Variants in LEKR1 observed in about 807,000 individuals in gnomAD.
LEKR1 encodes the protein leucine, glutamate and lysine rich 1, also known as protein LEKR1.
Under a neutral mutation model 72.4 loss-of-function variants are expected in LEKR1, and 59 were observed. That is an observed-to-expected ratio of 0.82 (90% CI 0.66 to 1.01). LEKR1 has a LOEUF of 1.01. Ranked by LOEUF, LEKR1 falls within the 50% of genes least tolerant of loss-of-function variation. LEKR1 has a pLI of 0.00. For missense variants in LEKR1, 728 were observed against 759.2 expected, an observed-to-expected ratio of 0.96 and a Z score of 0.48; for synonymous variants, 257 against 263.2, an observed-to-expected ratio of 0.98 and a Z score of 0.23.
intron 3 of LEKR1, among the ~76,000 whole-genome samples, chr3:156,898,059 A>G (rs1721383664): frequency 6.6e-6 from 1 of 152,212 alleles, no homozygotes; most frequent in African/African-American, 2.4e-5. Flanking sequence ...CAGATCTTTA[A>G]AAAGTGCTAG....
chr3:156,976,369 C>T (rs1272169358), intron 6 of LEKR1, among the ~76,000 whole-genome samples: 1 of 152,072 alleles, frequency 6.6e-6, no homozygotes, highest in African/African-American at 2.4e-5. Flanking sequence ...TGGGCTCAGA[C>T]CTATGCTTCA....
At chr3:156,844,258 A>AT (rs953598016) in intron 2 of LEKR1, among the ~76,000 whole-genome samples, 15 of 151,978 alleles carry the variant, frequency 9.9e-5, no homozygotes, top group African/African-American at 3.4e-4. Flanking sequence ...TCCCAGATTG[A>AT]TTTTTTTCTA....
chr3:156,913,232 A>G (rs538108035), intron 3 of LEKR1, among the ~76,000 whole-genome samples: 5 of 152,304 alleles, frequency 3.3e-5, no homozygotes, highest in South Asian at 2.1e-4. Flanking sequence ...CAGTATGGCT[A>G]TTTTAACGAT....
chr3:156,841,276 G>A (rs1055078712), intron 2 of LEKR1, among the ~76,000 whole-genome samples: 7 of 152,136 alleles, frequency 4.6e-5, no homozygotes, highest in Admixed American at 4.6e-4. Context: ...AGAAAAGCTG[G>A]CCAAGTTAGA....
At chr3:156,977,427 A>C in intron 6 of LEKR1, 1 of 504,090 alleles carries the variant, frequency 2.0e-6, no homozygotes, top group Non-Finnish European at 4.0e-6. Context: ...TATCCTGAAG[A>C]AATGTCACCC....
chr3:157,010,089 A>T (rs1395172707), intron 9 of LEKR1, among the ~76,000 whole-genome samples: 1 of 151,946 alleles, frequency 6.6e-6, no homozygotes, highest in Non-Finnish European at 1.5e-5. Context: ...GATATTAGTA[A>T]TTTCTGACTT....
At chr3:156,915,743 G>C (rs1248894997) in intron 3 of LEKR1, among the ~76,000 whole-genome samples, 1 of 151,994 alleles carries the variant, frequency 6.6e-6, no homozygotes. Flanking sequence ...TTCTTTTGGT[G>C]TGCAGAAGCT....
At chr3:156,979,905 T>G (rs1429465729) in intron 7 of LEKR1, 2 of 152,226 alleles carry the variant, frequency 1.3e-5, no homozygotes, top group Admixed American at 1.3e-4. Context: ...TCCCAGCTAC[T>G]CGGGAGGCTG....
rs545221449 is a variant in LEKR1, at chr3:157,022,430, GAAGTGCTGATGA to G, written c.1204-2325_1204-2314del. Among the ~76,000 whole-genome samples, 24 of 152,274 alleles carry G rather than the reference GAAGTGCTGATGA, an allele frequency of 1.6e-4. No individual in the cohort carries two copies. The South Asian group carries it at 3.9e-3, about 25-fold the overall frequency. On this transcript the variant is annotated intron_variant, in intron 10 of 12. Transcript: ENST00000356539. ...ATGGTGGCCAGAACTAGGTGATCAG[GAAGTGCTGATGA>G]AAGTTGAGACATAGAGAAATGGATG...
intron 7 of LEKR1, among the ~76,000 whole-genome samples, chr3:156,984,010 T>C (rs1230938438): frequency 6.6e-6 from 1 of 152,006 alleles, no homozygotes; most frequent in Non-Finnish European, 1.5e-5. Context: ...AAACAGATAT[T>C]AGAATAAGTA....
intron 4 of LEKR1, chr3:156,924,647 C>A: frequency 2.2e-6 from 1 of 446,772 alleles, no homozygotes; most frequent in South Asian, 5.5e-5. Context: ...AGGTAAGAAT[C>A]TAAATTCATC....
At chr3:157,017,185 A>G (rs1279519528) in intron 10 of LEKR1, among the ~76,000 whole-genome samples, 1 of 152,224 alleles carries the variant, frequency 6.6e-6, no homozygotes, top group African/African-American at 2.4e-5. Flanking sequence ...AAAAGCAACC[A>G]TAGACAATAT....
intron 3 of LEKR1, among the ~76,000 whole-genome samples, chr3:156,861,147 C>T (rs1041168770): frequency 6.6e-6 from 1 of 152,142 alleles, no homozygotes; most frequent in Non-Finnish European, 1.5e-5. Context: ...GCCTGCCTCA[C>T]TGGGCCATTA....
rs554779520 is a variant in LEKR1 at position 156,945,150 on chromosome 3, G to A, written c.745+2436G>A. ...TTATATCTCAGTATAGTTTTGATTT[G>A]CATTTCTCTGATGATCAGTGATGTT... On this transcript the variant is annotated intron_variant, in intron 6 of 12. Transcript: ENST00000356539. 2.0e-5 allele frequency among the ~76,000 whole-genome samples: 3 copies of A among 151,860 alleles called. No homozygotes were observed. In the South Asian group the frequency reaches 6.2e-4, roughly 31 times the overall value.
chr3:156,883,992 A>G (rs764679021), intron 3 of LEKR1, among the ~76,000 whole-genome samples: 1 of 152,002 alleles, frequency 6.6e-6, no homozygotes, highest in Admixed American at 6.6e-5. Context: ...GGATTGTGAT[A>G]TTTTCTTACT....
At chr3:156,904,806 T>C (rs894418768) in intron 3 of LEKR1, among the ~76,000 whole-genome samples, 2 of 151,830 alleles carry the variant, frequency 1.3e-5, no homozygotes, top group Non-Finnish European at 2.9e-5. Flanking sequence ...CCTATGTATG[T>C]GTGTGTGTAT....
chr3:156,867,903 T>C (rs1717496177), intron 3 of LEKR1, among the ~76,000 whole-genome samples: 1 of 152,080 alleles, frequency 6.6e-6, no homozygotes, highest in Admixed American at 6.6e-5. Flanking sequence ...TATATTTCAT[T>C]TTTATTTTAC....
chr3:156,959,609 A>C (rs1727937052), intron 6 of LEKR1, among the ~76,000 whole-genome samples: 1 of 152,060 alleles, frequency 6.6e-6, no homozygotes, highest in Non-Finnish European at 1.5e-5. Flanking sequence ...ATTTCCCCTG[A>C]ATATTGCAAT....
chr3:156,900,770 G>A (rs1209843671), intron 3 of LEKR1, among the ~76,000 whole-genome samples: 3 of 152,272 alleles, frequency 2.0e-5, no homozygotes, highest in East Asian at 1.9e-4. Flanking sequence ...TTTCCTCAGA[G>A]TATGGCAGGC....
Sources: allele counts gnomAD v4.1 joint callset (sites outside exome capture counted in the v4.1 genomes callset), GRCh38; gene constraint gnomAD v4.1.1; transcripts MANE v1.5; gene names NCBI Gene and HGNC (gene_info 2026-07-23, HGNC 2026-07-21).